The following TMEM132C variants were observed in gnomAD, a reference collection of about 807,000 sequenced individuals.
TMEM132C encodes transmembrane protein 132C, also known as protein phosphatase 1, regulatory subunit 152.
TMEM132C carries 29 observed loss-of-function variants against 61.4 expected under a neutral mutation model. The observed-to-expected ratio is 0.47, with a 90% CI of 0.35 to 0.64. TMEM132C has a LOEUF of 0.64. Ranked by LOEUF, TMEM132C falls within the 30% of genes least tolerant of loss-of-function variation. TMEM132C has a pLI of 0.00. For synonymous variants in TMEM132C, 656 were observed against 633.1 expected, an observed-to-expected ratio of 1.04 and a Z score of -0.54; for missense variants, 1,408 against 1,476.9, an observed-to-expected ratio of 0.95 and a Z score of 0.76.
At position 128,693,969 on chromosome 12, in the gene TMEM132C, C is replaced by G; in HGVS notation, c.1590C>G (p.Ile530Met). The change falls in exon 6 of 9, where the codon ATC becomes ATG. Residue 530 changes from isoleucine (I) to methionine (M), a missense_variant. Transcript: ENST00000435159. ...TVWVPRLPLQ[I>M]EVSDTELSQI... is the part of the protein sequence containing the mutation. ...GGGTGCCCCGGCTGCCCCTGCAGAT[C>G]GAGGTCTCTGACACGGAGCTCAGCC... is the stretch of plus-strand genomic sequence containing the variant. The G allele has an allele frequency of 6.4e-7, 1 of 1,551,752 alleles. No homozygotes were observed. The highest frequency in any genetic ancestry group is 8.7e-7 in the Non-Finnish European group (1 of 1,147,018).
intron 2 of TMEM132C, among the ~76,000 whole-genome samples, chr12:128,423,453 A>G (rs1035899783): frequency 6.6e-6 from 1 of 152,242 alleles, no homozygotes. Flanking sequence ...GGGTGGACAC[A>G]GGGAAGAAAG....
rs114627594 is a variant in TMEM132C, at chr12:128,509,091, G to A, written c.975-34866G>A. Among the ~76,000 whole-genome samples, 325 of 152,342 alleles carry A rather than the reference G, an allele frequency of 2.1e-3. 2 individuals are homozygous for A. Among genetic ancestry groups the A allele is most frequent in the African/African-American group, 7.3e-3 (305 of 41,582 alleles). ...AAGGATGTTGGGCAAGGAGAGGACA[G>A]TGGGCTGGCCTAGGCTGTGTGCAAG... On this transcript the variant is annotated intron_variant, in intron 2 of 8. Coordinates refer to ENST00000435159, the MANE Select transcript of TMEM132C (RefSeq NM_001136103.3).
intron 1 of TMEM132C, among the ~76,000 whole-genome samples, chr12:128,347,397 GTCTCTCTCTCTCTCTCTC>G (rs55729184): frequency 0.035 from 4,772 of 135,524 alleles, 108 homozygotes; most frequent in Middle Eastern, 0.059. Flanking sequence ...GCATATGTAT[GTCTCTCTCTCTCTCTCTC>G]TCTCTCTCTC....
intron 4 of TMEM132C, among the ~76,000 whole-genome samples, chr12:128,650,534 G>C (rs1042787808): frequency 2.0e-5 from 3 of 152,046 alleles, no homozygotes; most frequent in African/African-American, 7.2e-5. Flanking sequence ...GACCAGCCTG[G>C]GCAACATAGT....
intron 5 of TMEM132C, among the ~76,000 whole-genome samples, chr12:128,672,125 A>G (rs545414900): frequency 5.9e-5 from 9 of 152,170 alleles, no homozygotes; most frequent in African/African-American, 2.2e-4. Flanking sequence ...ATAATGAAAT[A>G]TTTTACTTTT....
intron 4 of TMEM132C, among the ~76,000 whole-genome samples, chr12:128,616,785 T>C (rs1876815794): frequency 6.6e-6 from 1 of 152,172 alleles, no homozygotes; most frequent in Non-Finnish European, 1.5e-5. Context: ...CACTGGGCTG[T>C]GAGGTCAACC....
At chr12:128,702,440 G>C (rs1309051566) in intron 8 of TMEM132C, among the ~76,000 whole-genome samples, 1 of 151,228 alleles carries the variant, frequency 6.6e-6, no homozygotes, top group Non-Finnish European at 1.5e-5. Flanking sequence ...GTTTTTTGTT[G>C]GTTTCCTTTA....
chr12:128,282,344 A>T (rs1249218579), intron 1 of TMEM132C, among the ~76,000 whole-genome samples: 1 of 152,262 alleles, frequency 6.6e-6, no homozygotes, highest in Non-Finnish European at 1.5e-5. Flanking sequence ...AAGAGGTTTA[A>T]TTGACTCACA....
At chr12:128,699,130 C>CTG (rs10637712) in intron 8 of TMEM132C, among the ~76,000 whole-genome samples, 134,355 of 152,032 alleles carry the variant, frequency 0.88, 59,595 homozygotes, top group African/African-American at 0.95. Flanking sequence ...GCAGTGCAGA[C>CTG]TGTGCAAAAT....
intron 2 of TMEM132C, among the ~76,000 whole-genome samples, chr12:128,483,485 TTCG>T (rs1871385820): frequency 6.6e-6 from 1 of 152,042 alleles, no homozygotes; most frequent in Non-Finnish European, 1.5e-5. Flanking sequence ...GTTTTCTGGG[TTCG>T]TCTTCTTGCT....
chr12:128,581,761 A>G (rs545994623), intron 3 of TMEM132C, among the ~76,000 whole-genome samples: 2 of 152,372 alleles, frequency 1.3e-5, no homozygotes, highest in South Asian at 4.1e-4. Flanking sequence ...ATAAAGGAAC[A>G]AAGTTATGAG....
chr12:128,540,553 A>G (rs886209728), intron 2 of TMEM132C, among the ~76,000 whole-genome samples: 2 of 152,154 alleles, frequency 1.3e-5, no homozygotes, highest in Non-Finnish European at 2.9e-5. Context: ...CGCCCAGCCA[A>G]TTCTCTGTTT....
At position 128,345,744 on chromosome 12, in the gene TMEM132C, C is replaced by A. The variant is rs371544534; in HGVS notation, c.86-68988C>A. Among the ~76,000 whole-genome samples the A allele has an allele frequency of 1.4e-4, 22 of 152,132 alleles. No homozygotes were observed. In the South Asian group the frequency reaches 4.4e-3, roughly 30 times the overall value. ...GAAGTTCCTGTTTATGTCCTTTGCT[C>A]ACTTTTTAATGGGGTTGTTTGTTTT... is the stretch of plus-strand genomic sequence containing the variant. On this transcript the variant is annotated intron_variant, in intron 1 of 8. Coordinates refer to ENST00000435159, the MANE Select transcript of TMEM132C (RefSeq NM_001136103.3).
At chr12:128,274,679 C>T (rs1285647101) in intron 1 of TMEM132C, among the ~76,000 whole-genome samples, 3 of 152,140 alleles carry the variant, frequency 2.0e-5, no homozygotes, top group Non-Finnish European at 4.4e-5. Flanking sequence ...AACCATTTTA[C>T]TTATTTTTGT....
intron 1 of TMEM132C, among the ~76,000 whole-genome samples, chr12:128,414,014 TG>T (rs1208334320): frequency 6.6e-6 from 1 of 152,206 alleles, no homozygotes; most frequent in Non-Finnish European, 1.5e-5. Flanking sequence ...ATTTGAAGTT[TG>T]GTCTTATGTA....
rs1874826290 is a variant in TMEM132C at position 128,570,119 on chromosome 12, T to A, written c.1121+26016T>A. ...CCCACCGTGAATACAACTGGGGTTA[T>A]CTTCTCGTCTTAGGCTCCTTAGCAC... On this transcript the variant is annotated intron_variant, in intron 3 of 8. Transcript: ENST00000435159. This position sits in a 1 kb window ranked among gnomAD's most constrained non-coding sequence, Gnocchi z 4.7. 6.6e-6 allele frequency among the ~76,000 whole-genome samples: 1 copy of A among 152,048 alleles called. No homozygotes were observed.
chr12:128,546,934 A>G (rs766889318), intron 3 of TMEM132C, among the ~76,000 whole-genome samples: 6 of 152,330 alleles, frequency 3.9e-5, no homozygotes, highest in Middle Eastern at 3.4e-3. Flanking sequence ...GGCCTCTGTC[A>G]TGTCCATTCA....
At chr12:128,522,947 G>T (rs1872956455) in intron 2 of TMEM132C, among the ~76,000 whole-genome samples, 2 of 152,174 alleles carry the variant, frequency 1.3e-5, no homozygotes, top group South Asian at 4.1e-4. Flanking sequence ...CAAAGAGATA[G>T]TTACACAACC....
intron 3 of TMEM132C, among the ~76,000 whole-genome samples, chr12:128,598,637 A>G (rs193239939): frequency 1.9e-3 from 295 of 152,012 alleles, no homozygotes; most frequent in African/African-American, 6.4e-3. Flanking sequence ...CCCTCTTCCT[A>G]AAATACCCCT....
Sources: gnomAD v4.1 joint callset for allele counts (sites outside exome capture counted in the v4.1 genomes callset) on GRCh38, gnomAD v4.1.1 for gene constraint, Gnocchi (gnomAD v3.1) non-coding constraint, MANE v1.5 for transcripts, NCBI Gene and HGNC (gene_info 2026-07-23, HGNC 2026-07-21) for gene names.